The following CADM2 variants were observed in gnomAD, a reference collection of about 807,000 sequenced individuals.
CADM2 encodes the protein cell adhesion molecule 2.
In CADM2, 12 loss-of-function variants were observed where a neutral mutation model predicts 49.8. The ratio of observed to expected loss-of-function variants is 0.24; its 90% CI spans 0.15 to 0.39. The LOEUF (loss-of-function observed/expected upper bound fraction) is 0.39. CADM2 is among the 10% of genes least tolerant of loss of function. The probability of loss-of-function intolerance (pLI) is 1.00; values close to 1 mark genes in which losing one functional copy is unlikely to be tolerated. For missense variants in CADM2, 378 were observed against 492.3 expected, an observed-to-expected ratio of 0.77 and a Z score of 2.20; for synonymous variants, 214 against 175.4, an observed-to-expected ratio of 1.22 and a Z score of -1.74.
chr3:85,152,138 A>G (rs1011221029), intron 1 of CADM2, among the ~76,000 whole-genome samples: 8 of 152,028 alleles, frequency 5.3e-5, no homozygotes, highest in East Asian at 1.9e-4. Context: ...CATTTTCTGT[A>G]TTATTACTTC....
At chr3:85,320,411 C>A (rs1463019418) in intron 1 of CADM2, among the ~76,000 whole-genome samples, 1 of 152,142 alleles carries the variant, frequency 6.6e-6, no homozygotes, top group African/African-American at 2.4e-5. Flanking sequence ...TGATTGGCAT[C>A]TCATAGATTT....
chr3:84,988,911 A>T (rs1389434871), intron 1 of CADM2, among the ~76,000 whole-genome samples: 1 of 151,494 alleles, frequency 6.6e-6, no homozygotes, highest in East Asian at 1.9e-4. Flanking sequence ...TTTTTTATTT[A>T]AAAAATTATT....
intron 3 of CADM2, among the ~76,000 whole-genome samples, chr3:85,827,789 T>C (rs1219430997): frequency 6.6e-6 from 1 of 152,000 alleles, no homozygotes; most frequent in African/African-American, 2.4e-5. Flanking sequence ...AAAATTTTTC[T>C]CTCATATATC....
At chr3:85,501,030 A>G (rs2040094736) in intron 1 of CADM2, among the ~76,000 whole-genome samples, 1 of 152,190 alleles carries the variant, frequency 6.6e-6, no homozygotes, top group South Asian at 2.1e-4. Context: ...AGAAATTATT[A>G]AAACCATTAC....
intron 1 of CADM2, among the ~76,000 whole-genome samples, chr3:85,242,812 T>C (rs1462935792): frequency 6.6e-6 from 1 of 151,850 alleles, no homozygotes; most frequent in African/African-American, 2.4e-5. Context: ...CCAGATTTCA[T>C]GTAGTTAGTT....
chr3:85,764,181 A>G (rs1333707721), intron 2 of CADM2, among the ~76,000 whole-genome samples: 2 of 152,070 alleles, frequency 1.3e-5, no homozygotes, highest in East Asian at 3.9e-4. Context: ...ACTATATTAT[A>G]AGGATTTTAT....
At chr3:85,775,952 C>A (rs1326799463) in intron 2 of CADM2, among the ~76,000 whole-genome samples, 1 of 151,682 alleles carries the variant, frequency 6.6e-6, no homozygotes, top group African/African-American at 2.4e-5. Flanking sequence ...TTAGTACAGG[C>A]AACTATTTCT....
intron 1 of CADM2, among the ~76,000 whole-genome samples, chr3:85,014,100 A>G (rs963473103): frequency 4.2e-4 from 62 of 146,256 alleles, no homozygotes; most frequent in Non-Finnish European, 6.9e-4. Flanking sequence ...GTAAAATTGT[A>G]TATTATATAT....
At chr3:85,553,212 C>G (rs1181936854) in intron 1 of CADM2, among the ~76,000 whole-genome samples, 2 of 151,422 alleles carry the variant, frequency 1.3e-5, no homozygotes, top group Non-Finnish European at 3.0e-5. Context: ...GAAATGGGAC[C>G]AAGAGTTATT....
At chr3:85,919,967 ATTC>A (rs1718882760) in intron 6 of CADM2, among the ~76,000 whole-genome samples, 1 of 151,872 alleles carries the variant, frequency 6.6e-6, no homozygotes, top group African/African-American at 2.4e-5. Context: ...TATTTCATGT[ATTC>A]TTGGCTGTTG....
At chr3:85,769,231 C>CATATACACATATATACATATATAGTAT (rs2069861217) in intron 2 of CADM2, among the ~76,000 whole-genome samples, 3 of 111,712 alleles carry the variant, frequency 2.7e-5, no homozygotes, top group South Asian at 2.5e-4. Context: ...TATATACACA[C>CATATACACATATATACATATATAGTAT]ATATACACAT....
intron 1 of CADM2, among the ~76,000 whole-genome samples, chr3:85,590,939 CCTGT>C (rs2063089266): frequency 9.3e-6 from 1 of 107,482 alleles, no homozygotes; most frequent in African/African-American, 2.8e-5. Flanking sequence ...TTTTTTTTTG[CCTGT>C]CTTCTTGTTT....
intron 1 of CADM2, among the ~76,000 whole-genome samples, chr3:85,012,174 C>T (rs2034031180): frequency 6.6e-6 from 1 of 151,282 alleles, no homozygotes; most frequent in African/African-American, 2.4e-5. Flanking sequence ...GCTCATGCTC[C>T]TCTATCTTTG....
At chr3:85,090,292 T>C (rs974009417) in intron 1 of CADM2, among the ~76,000 whole-genome samples, 4 of 152,130 alleles carry the variant, frequency 2.6e-5, no homozygotes, top group Non-Finnish European at 5.9e-5. Context: ...TAGTATATTT[T>C]TCATACCCGT....
chr3:85,211,997 C>G (rs1302438188), intron 1 of CADM2, among the ~76,000 whole-genome samples: 1 of 152,094 alleles, frequency 6.6e-6, no homozygotes, highest in Non-Finnish European at 1.5e-5. Flanking sequence ...GTCATATCCT[C>G]TTGTTGAATT....
At chr3:85,572,755 A>G (rs1475969230) in intron 1 of CADM2, among the ~76,000 whole-genome samples, 1 of 152,174 alleles carries the variant, frequency 6.6e-6, no homozygotes, top group Admixed American at 6.5e-5. Context: ...GTCCAGCTTC[A>G]GTAGATAGAT....
intron 1 of CADM2, among the ~76,000 whole-genome samples, chr3:85,172,362 G>A (rs1196602076): frequency 6.6e-6 from 1 of 152,086 alleles, no homozygotes; most frequent in Non-Finnish European, 1.5e-5. Flanking sequence ...AAAGCAATTC[G>A]GGGACACAAA....
intron 1 of CADM2, among the ~76,000 whole-genome samples, chr3:85,387,543 A>G (rs1473509224): frequency 7.2e-5 from 11 of 152,162 alleles, no homozygotes; most frequent in Non-Finnish European, 1.6e-4. Flanking sequence ...TAAACAACAG[A>G]GTGGATAAAA....
At chr3:85,784,589 G>T (rs1378538485) in intron 2 of CADM2, among the ~76,000 whole-genome samples, 2 of 151,442 alleles carry the variant, frequency 1.3e-5, no homozygotes, top group African/African-American at 2.4e-5. Flanking sequence ...TAACACGTTT[G>T]GTTTCACATC....
Sources: gnomAD v4.1 joint callset for allele counts (sites outside exome capture counted in the v4.1 genomes callset) on GRCh38, gnomAD v4.1.1 for gene constraint, MANE v1.5 for transcripts, NCBI Gene and HGNC (gene_info 2026-07-23, HGNC 2026-07-21) for gene names.